TMEFF2: variants seen among roughly 807,000 people sequenced by gnomAD.
TMEFF2 encodes tomoregulin-2.
In TMEFF2, 28 loss-of-function variants were observed where a neutral mutation model predicts 53.8. That is an observed-to-expected ratio of 0.52 (90% CI 0.39 to 0.71). The LOEUF is 0.71. Among genes scored for constraint, TMEFF2 ranks in the 30% least tolerant of loss-of-function variants. The pLI, the probability that TMEFF2 is intolerant of heterozygous loss-of-function variation, is 0.00. For missense variants in TMEFF2, 353 were observed against 455.2 expected, an observed-to-expected ratio of 0.78 and a Z score of 2.04; for synonymous variants, 162 against 166.3, an observed-to-expected ratio of 0.97 and a Z score of 0.20.
intron 4 of TMEFF2, among the ~76,000 whole-genome samples, chr2:192,068,590 C>G (rs1210828712): frequency 6.6e-6 from 1 of 151,810 alleles, no homozygotes; most frequent in Non-Finnish European, 1.5e-5. Flanking sequence ...TTTTAGTGCA[C>G]TGGACTTTGG....
At chr2:192,004,648 AAAAAAG>A (rs1479887352) in intron 5 of TMEFF2, among the ~76,000 whole-genome samples, 4 of 152,188 alleles carry the variant, frequency 2.6e-5, no homozygotes, top group African/African-American at 4.8e-5. Flanking sequence ...TTTGAAGATT[AAAAAAG>A]AAAAAGAAAA....
intron 2 of TMEFF2, among the ~76,000 whole-genome samples, chr2:192,190,515 T>A (rs1226618977): frequency 6.6e-6 from 1 of 152,166 alleles, no homozygotes; most frequent in Non-Finnish European, 1.5e-5. Context: ...ATAATGGCAC[T>A]GTTTAATGTG....
intron 4 of TMEFF2, among the ~76,000 whole-genome samples, chr2:192,130,151 A>T (rs569503725): frequency 2.0e-4 from 30 of 152,222 alleles, no homozygotes; most frequent in Non-Finnish European, 1.9e-4. Context: ...AAGGAATTAA[A>T]CAGTTACTAT....
chr2:192,039,161 G>A (rs1354463117), intron 5 of TMEFF2, among the ~76,000 whole-genome samples: 1 of 152,018 alleles, frequency 6.6e-6, no homozygotes, highest in African/African-American at 2.4e-5. Context: ...CTGGGTTAAA[G>A]TTTTCAGCAG....
intron 1 of TMEFF2, among the ~76,000 whole-genome samples, chr2:192,193,877 T>A (rs1196972276): frequency 1.3e-5 from 2 of 151,876 alleles, no homozygotes; most frequent in Non-Finnish European, 2.9e-5. Flanking sequence ...CAGTGCGACC[T>A]CATGGCACCT....
At chr2:192,015,667 A>T (rs1686728017) in intron 5 of TMEFF2, among the ~76,000 whole-genome samples, 1 of 152,150 alleles carries the variant, frequency 6.6e-6, no homozygotes, top group Non-Finnish European at 1.5e-5. Flanking sequence ...GTGACCACTT[A>T]ATAAGTAGCT....
At chr2:192,135,567 C>T (rs185616091) in intron 4 of TMEFF2, among the ~76,000 whole-genome samples, 45 of 152,232 alleles carry the variant, frequency 3.0e-4, no homozygotes, top group Non-Finnish European at 1.3e-4. Context: ...CCGCTTGAAG[C>T]AGCCCTGAGA....
chr2:191,990,415 T>TGTGTGTGTG lies in TMEFF2; in HGVS notation c.745+7846_745+7847insCACACACAC, dbSNP rs1320805824. Among the ~76,000 whole-genome samples, 6 of 12,912 alleles carry TGTGTGTGTG rather than the reference T, an allele frequency of 4.6e-4. No individual in the cohort carries two copies. The South Asian group carries it at 0.016, about 34-fold the overall frequency. 8.5% of individuals were successfully genotyped at this position (12,912 alleles called of 152,430 possible). ...AAGCAGCAAATCAAAGTGCTCAGAA[T>TGTGTGTGTG]AGTGTGTGTGTGTGTGTGTGTTGTT... On this transcript the variant is annotated intron_variant, in intron 7 of 9. Coordinates refer to ENST00000272771, the MANE Select transcript of TMEFF2 (RefSeq NM_016192.4).
chr2:192,150,320 C>T (rs953888927), intron 4 of TMEFF2, among the ~76,000 whole-genome samples: 2 of 151,872 alleles, frequency 1.3e-5, no homozygotes, highest in South Asian at 4.1e-4. Flanking sequence ...AGCCAGATGT[C>T]AGCCATGCCC....
At chr2:192,032,255 T>C (rs1460949897) in intron 5 of TMEFF2, 1 of 152,246 alleles carries the variant, frequency 6.6e-6, no homozygotes, top group Admixed American at 6.5e-5. Context: ...AGAAAATGAC[T>C]ACATACTTAT....
chr2:192,129,034 T>C (rs867982074), intron 4 of TMEFF2, among the ~76,000 whole-genome samples: 5 of 152,246 alleles, frequency 3.3e-5, no homozygotes, highest in Middle Eastern at 3.4e-3. Flanking sequence ...GGGTGCCCCA[T>C]AGGAGAGTGT....
intron 7 of TMEFF2, among the ~76,000 whole-genome samples, chr2:191,986,556 CTTTT>C: frequency 7.0e-6 from 1 of 142,904 alleles, no homozygotes; most frequent in Admixed American, 7.0e-5. Flanking sequence ...GGACAACTAT[CTTTT>C]TTTTTTTTTT....
intron 4 of TMEFF2, chr2:192,177,170 CT>C (rs2106030674): frequency 6.6e-6 from 1 of 151,304 alleles, no homozygotes; most frequent in Admixed American, 6.6e-5. Flanking sequence ...TATTCAATCA[CT>C]TTTGCTTTAT....
intron 3 of TMEFF2, among the ~76,000 whole-genome samples, chr2:192,183,553 T>C (rs1221504323): frequency 6.6e-6 from 1 of 152,134 alleles, no homozygotes; most frequent in Non-Finnish European, 1.5e-5. Context: ...TCCAGAAAGA[T>C]GCTTATTTGC....
intron 4 of TMEFF2, among the ~76,000 whole-genome samples, chr2:192,079,650 AT>A (rs1688508980): frequency 6.6e-6 from 1 of 152,162 alleles, no homozygotes; most frequent in Admixed American, 6.5e-5. Flanking sequence ...GATTAAAATG[AT>A]TTTTCCTTAC....
At chr2:192,008,230 A>C (rs544145992) in intron 5 of TMEFF2, among the ~76,000 whole-genome samples, 1 of 152,332 alleles carries the variant, frequency 6.6e-6, no homozygotes, top group Admixed American at 6.5e-5. Flanking sequence ...ACAAAACCAC[A>C]GGGGCAGCAG....
chr2:192,194,450 C>G lies in TMEFF2; in HGVS notation c.75G>C (p.Leu25=), dbSNP rs1423251460. 6.2e-7 allele frequency: 1 copy of G among 1,613,602 alleles called. No individual in the cohort carries two copies. The highest frequency in any genetic ancestry group is 1.3e-5 in the African/African-American group (1 of 74,860). The change falls in exon 1 of 10, where the codon CTG becomes CTC. Residue 25 remains leucine (L), a synonymous_variant. Transcript: ENST00000272771. This position sits in a 1 kb window ranked among gnomAD's most constrained non-coding sequence, Gnocchi z 4.2. ...LCEGFCWLLL[L]PVMLLIVARP... is the part of the protein sequence containing the mutation. ...GGGCTACGATGAGTAGCATGACGGG[C>G]AGCAGCAGCAGCCAGCAAAAGCCCT...
intron 4 of TMEFF2, among the ~76,000 whole-genome samples, chr2:192,107,845 A>G (rs1194174427): frequency 6.6e-6 from 1 of 151,942 alleles, no homozygotes; most frequent in African/African-American, 2.4e-5. Context: ...TCAAGAAATC[A>G]CAAGGCAAAA....
chr2:192,114,510 G>T (rs999816204), intron 4 of TMEFF2, among the ~76,000 whole-genome samples: 1 of 150,726 alleles, frequency 6.6e-6, no homozygotes, highest in Admixed American at 6.6e-5. Flanking sequence ...ATGTAAAATG[G>T]TCTTTGTTTA....
Sources: allele counts gnomAD v4.1 joint callset (sites outside exome capture counted in the v4.1 genomes callset), GRCh38; gene constraint gnomAD v4.1.1; non-coding constraint Gnocchi (gnomAD v3.1); transcripts MANE v1.5; gene names NCBI Gene and HGNC (gene_info 2026-07-23, HGNC 2026-07-21).